RAD17: variants seen among roughly 807,000 people sequenced by gnomAD.
RAD17 encodes the protein cell cycle checkpoint protein RAD17.
In RAD17, 31 loss-of-function variants were observed where a neutral mutation model predicts 81.5. The ratio of observed to expected loss-of-function variants is 0.38; its 90% CI spans 0.29 to 0.51. The LOEUF (loss-of-function observed/expected upper bound fraction) is 0.51. Among genes scored for constraint, RAD17 ranks in the 20% least tolerant of loss-of-function variants. RAD17 has a pLI of 0.88. For synonymous variants in RAD17, 261 were observed against 266.2 expected (o/e 0.98, Z 0.19); for missense variants, 681 against 781.2 (o/e 0.87, Z 1.53).
chr5:69,401,803 T>A (rs1466606427), intron 17 of RAD17, among the ~76,000 whole-genome samples: 2 of 150,836 alleles, frequency 1.3e-5, no homozygotes, highest in African/African-American at 2.4e-5. Context: ...CTGGCTAACA[T>A]GGTGAAACCC....
At position 69,391,994 on chromosome 5, in the gene RAD17, G is replaced by T. The variant is rs1415514081; in HGVS notation, c.1170G>T (p.Gly390=). The T allele has an allele frequency of 3.9e-6, 6 of 1,546,402 alleles. No homozygotes were observed. In the African/African-American group the frequency reaches 7.1e-5, roughly 18 times the overall value. ...DVSLFLFRAL[G]KILYCKRASL... ...CTCTGTTTCTCTTCAGAGCTTTGGG[G>T]AAAATTCTATATTGTAAAAGTAAGA... Residue 390 remains glycine (G), a synonymous_variant, in exon 13 of 19, where the codon GGG becomes GGT. Transcript: ENST00000354868.
intron 17 of RAD17, among the ~76,000 whole-genome samples, chr5:69,410,131 T>A (rs1156383617): frequency 1.3e-5 from 2 of 152,216 alleles, no homozygotes; most frequent in East Asian, 3.8e-4. Flanking sequence ...ACAAATATCT[T>A]TTTGAGACTC....
At chr5:69,391,248 T>A (rs1384811873) in intron 12 of RAD17, among the ~76,000 whole-genome samples, 4 of 150,056 alleles carry the variant, frequency 2.7e-5, no homozygotes, top group African/African-American at 9.8e-5. Flanking sequence ...AAAAAAAAAA[T>A]TCTCCCTTCA....
At chr5:69,404,067 T>C (rs990368947) in intron 17 of RAD17, among the ~76,000 whole-genome samples, 1 of 152,246 alleles carries the variant, frequency 6.6e-6, no homozygotes, top group Non-Finnish European at 1.5e-5. Context: ...TAATGAAATA[T>C]GGCCCTTAAA....
At chr5:69,385,083 C>T (rs1027476602) in intron 8 of RAD17, 150 bp downstream of exon 8, 30 of 663,038 alleles carry the variant, frequency 4.5e-5, no homozygotes, top group South Asian at 8.9e-5. Flanking sequence ...CCTCAGCCTC[C>T]GGAGTAGCTG....
chr5:69,397,243 G>A (rs1055831014), intron 16 of RAD17, among the ~76,000 whole-genome samples: 1 of 152,022 alleles, frequency 6.6e-6, no homozygotes, highest in African/African-American at 2.4e-5. Flanking sequence ...CTAGGTTCAA[G>A]CAATTCTCCC....
chr5:69,410,658 T>C (rs1183929034), intron 18 of RAD17, 108 bp downstream of exon 18: 2 of 987,442 alleles, frequency 2.0e-6, no homozygotes, highest in Non-Finnish European at 3.1e-6. Context: ...AGACATACTG[T>C]ACCTAGTAAT....
Position 69,389,135 on chromosome 5 carries a change from T to C in RAD17, c.996T>C (p.Ser332=), listed in dbSNP as rs557370405. The part of the protein sequence containing the change: ...IRSAINSLQF[S]SSKGENNLRP... Reference sequence around the variant, plus strand: ...GTGCAATAAACAGCCTCCAGTTTTCTTCTTCAAAAGGTAACTATGGAAGAT... The same window carrying C: ...GTGCAATAAACAGCCTCCAGTTTTCCTCTTCAAAAGGTAACTATGGAAGAT... The change falls in exon 12 of 19, where the codon TCT becomes TCC. Residue 332 remains serine (S), a synonymous_variant. Transcript: ENST00000354868. 7.0e-6 allele frequency: 11 copies of C among 1,578,734 alleles called. No individual in the cohort carries two copies. The highest frequency in any genetic ancestry group is 9.5e-6 in the Non-Finnish European group (11 of 1,161,754).
chr5:69,382,817 A>AT (rs759810420), intron 7 of RAD17, among the ~76,000 whole-genome samples: 117 of 151,966 alleles, frequency 7.7e-4, no homozygotes, highest in Non-Finnish European at 1.4e-3. Context: ...ATTTATTTTT[A>AT]TTTTTTTTGA....
chr5:69,374,213 A>G, intron 5 of RAD17, 126 bp downstream of exon 5: 2 of 862,580 alleles, frequency 2.3e-6, no homozygotes, highest in Non-Finnish European at 3.5e-6. Flanking sequence ...TGTTAGAAAA[A>G]ATTCTGGATT....
At chr5:69,383,078 G>A (rs982774170) in intron 7 of RAD17, among the ~76,000 whole-genome samples, 22 of 151,918 alleles carry the variant, frequency 1.4e-4, no homozygotes, top group African/African-American at 5.1e-4. Context: ...GCTACCATGC[G>A]TGGCAATAGT....
intron 6 of RAD17, among the ~76,000 whole-genome samples, chr5:69,377,454 T>TATATAC (rs1763432424): frequency 1.2e-4 from 1 of 8,576 alleles, no homozygotes; most frequent in Non-Finnish European, 6.4e-4. Flanking sequence ...TATATATATA[T>TATATAC]ATATATATAT....
At chr5:69,386,531 T>C (rs1358410605) in intron 11 of RAD17, 66 bp downstream of exon 11, 22 of 1,416,382 alleles carry the variant, frequency 1.6e-5, no homozygotes, top group Non-Finnish European at 1.9e-5. Flanking sequence ...TAGTATTATG[T>C]AAACTGAAGG....
At chr5:69,399,950 A>T in intron 16 of RAD17, 99 bp from the exon 17 acceptor site, 2 of 744,744 alleles carry the variant, frequency 2.7e-6, no homozygotes, top group Non-Finnish European at 4.0e-6. Flanking sequence ...GTTAATATAA[A>T]CTTATTGTGT....
intron 13 of RAD17, 25 bp downstream of exon 13, chr5:69,392,038 A>G: frequency 1.4e-6 from 2 of 1,448,302 alleles, no homozygotes; most frequent in Non-Finnish European, 1.8e-6. Context: ...CACTTTTAAA[A>G]TCTGTTGGAT....
intron 17 of RAD17, among the ~76,000 whole-genome samples, chr5:69,404,397 A>T (rs1765457518): frequency 6.6e-6 from 1 of 152,192 alleles, no homozygotes; most frequent in Non-Finnish European, 1.5e-5. Flanking sequence ...AAAGAATGCA[A>T]TAGTAAGAAA....
chr5:69,411,886 T>C (rs1580453258), intron 18 of RAD17, among the ~76,000 whole-genome samples: 1 of 152,246 alleles, frequency 6.6e-6, no homozygotes, highest in Admixed American at 6.5e-5. Flanking sequence ...CAAGGCTAAA[T>C]TGAATGAGAA....
intron 15 of RAD17, among the ~76,000 whole-genome samples, chr5:69,396,075 C>G (rs1764867470): frequency 6.6e-6 from 1 of 152,148 alleles, no homozygotes. Context: ...ATTAAGTTAA[C>G]TTTCCAGAGA....
intron 17 of RAD17, among the ~76,000 whole-genome samples, chr5:69,404,577 G>A (rs1324062844): frequency 6.6e-6 from 1 of 152,056 alleles, no homozygotes; most frequent in Non-Finnish European, 1.5e-5. Flanking sequence ...AGACCAGCCT[G>A]GCCAACATGG....
Sources: allele counts gnomAD v4.1 joint callset (sites outside exome capture counted in the v4.1 genomes callset), GRCh38; gene constraint gnomAD v4.1.1; transcripts MANE v1.5; gene names NCBI Gene and HGNC (gene_info 2026-07-23, HGNC 2026-07-21).